Variants in COA1 observed in about 807,000 individuals in gnomAD.
The protein encoded by COA1 is cytochrome c oxidase assembly factor 1, also known as cytochrome c oxidase assembly factor 1 homolog.
Under a neutral mutation model 16.0 loss-of-function variants are expected in COA1, and 13 were observed. That is an observed-to-expected ratio of 0.81 (90% CI 0.53 to 1.29). COA1 has a LOEUF of 1.29. Among genes scored for constraint, COA1 ranks in the 50% most tolerant of loss-of-function variants. The pLI is 0.00. For synonymous variants in COA1, 65 were observed against 65.7 expected, an observed-to-expected ratio of 0.99 and a Z score of 0.05; for missense variants, 179 against 177.0, an observed-to-expected ratio of 1.01 and a Z score of -0.06.
intron 1 of COA1, chr7:43,711,489 C>T (rs956141076): frequency 3.9e-5 from 6 of 152,148 alleles, no homozygotes; most frequent in African/African-American, 7.2e-5. Flanking sequence ...GAAAGAGAAT[C>T]TCTGATCCAT....
At chr7:43,701,383 G>A (rs2094731880) in intron 1 of COA1, among the ~76,000 whole-genome samples, 1 of 152,086 alleles carries the variant, frequency 6.6e-6, no homozygotes, top group Non-Finnish European at 1.5e-5. Flanking sequence ...TTCTATTCCT[G>A]TGTTAATTTG....
chr7:43,720,377 C>A (rs28676899), intron 1 of COA1, among the ~76,000 whole-genome samples: 1 of 151,878 alleles, frequency 6.6e-6, no homozygotes, highest in Non-Finnish European at 1.5e-5. Flanking sequence ...CTTTATTAAG[C>A]GTTTTATCTA....
chr7:43,670,288 A>G (rs2153195186), intron 1 of COA1, among the ~76,000 whole-genome samples: 1 of 152,102 alleles, frequency 6.6e-6, no homozygotes, highest in South Asian at 2.1e-4. Flanking sequence ...ATCTCTACTA[A>G]AAATACAGAA....
intron 1 of COA1, among the ~76,000 whole-genome samples, chr7:43,727,430 G>A (rs976016964): frequency 1.3e-5 from 2 of 152,156 alleles, no homozygotes; most frequent in African/African-American, 4.8e-5. Flanking sequence ...AATGTTCACA[G>A]CAGCATTACA....
At chr7:43,702,310 A>C (rs1318700952) in intron 1 of COA1, among the ~76,000 whole-genome samples, 1 of 152,128 alleles carries the variant, frequency 6.6e-6, no homozygotes, top group Non-Finnish European at 1.5e-5. Flanking sequence ...TGCTCTGTAT[A>C]TGGCGAGCCA....
rs1006307815 is a variant in COA1 at position 43,647,541 on chromosome 7, T to A, written c.109A>T (p.Ile37Phe). Reference sequence around the variant, plus strand: ...CGGCTAGCAGGATACTTACTTTGAATGAGGTAATACACAATGGCAAAGCCC... The same window carrying A: ...CGGCTAGCAGGATACTTACTTTGAAAGAGGTAATACACAATGGCAAAGCCC... The part of the protein sequence containing the change: ...AGGFAIVYYL[I>F]QKFHSRALYY... Residue 37 changes from isoleucine to phenylalanine, a missense_variant, in exon 3 of 6, where the codon ATT becomes TTT. Ile to Phe is a conservative substitution (Grantham distance 21). Coordinates refer to ENST00000223336, the MANE Select transcript of COA1 (RefSeq NM_018224.4). 47 of 1,611,372 alleles carry A rather than the reference T, an allele frequency of 2.9e-5. No individual in the cohort carries two copies. Among genetic ancestry groups the A allele is most frequent in the Non-Finnish European group, 3.8e-5 (45 of 1,177,546 alleles).
At position 43,664,069 on chromosome 7, in the gene COA1, T is replaced by A. The variant is rs185549591; in HGVS notation, c.-38-15417A>T. The stretch of plus-strand genomic sequence containing the variant: ...CCTGTCTCAAAAAATAAATTTTTTT[T>A]AAAAAATGGAATCATTTAGTATTTG... On this transcript the variant is annotated intron_variant, in intron 1 of 5. Transcript: ENST00000223336. 3.9e-3 allele frequency among the ~76,000 whole-genome samples: 589 copies of A among 149,176 alleles called. 5 individuals are homozygous for A. The highest frequency in any genetic ancestry group is 0.012 in the African/African-American group (489 of 39,966).
At chr7:43,699,568 A>G (rs915903753) in intron 1 of COA1, among the ~76,000 whole-genome samples, 2 of 152,200 alleles carry the variant, frequency 1.3e-5, no homozygotes, top group African/African-American at 2.4e-5. Context: ...ACAGACAGCA[A>G]AACTGTCACG....
Position 43,651,770 on chromosome 7 carries a change from G to A in COA1, c.-38-3118C>T, listed in dbSNP as rs149527481. On this transcript the variant is annotated intron_variant, in intron 1 of 5. Transcript: ENST00000223336. ...CCCACCTTTCAGGAGGCCAAGACAG[G>A]AAGATCACTTAAGCCCAGGAGTTCA... Among the ~76,000 whole-genome samples the A allele has an allele frequency of 3.7e-3, 561 of 151,756 alleles. 1 individual carries two copies. The highest frequency in any genetic ancestry group is 6.8e-3 in the Non-Finnish European group (462 of 67,984).
At chr7:43,717,911 T>G (rs116449892) in intron 1 of COA1, among the ~76,000 whole-genome samples, 4,852 of 152,262 alleles carry the variant, frequency 0.032, 212 homozygotes, top group African/African-American at 0.11. Context: ...ATTCTCTCTT[T>G]GCCTGCTGCC....
intron 1 of COA1, among the ~76,000 whole-genome samples, chr7:43,667,951 G>A (rs1171910669): frequency 6.6e-6 from 1 of 152,146 alleles, no homozygotes; most frequent in Non-Finnish European, 1.5e-5. Context: ...TCCAGAATTT[G>A]GAAACTATCT....
intron 6 of COA1, among the ~76,000 whole-genome samples, chr7:43,615,909 T>C (rs963512158): frequency 1.3e-5 from 2 of 152,188 alleles, no homozygotes; most frequent in East Asian, 1.9e-4. Context: ...AGGCCTTCTC[T>C]GACTCCCCTA....
At chr7:43,727,934 T>A (rs553392775) in intron 1 of COA1, among the ~76,000 whole-genome samples, 1 of 152,300 alleles carries the variant, frequency 6.6e-6, no homozygotes, top group South Asian at 2.1e-4. Context: ...GTTGTACAAC[T>A]TTGTGAATGT....
chr7:43,637,752 G>A (rs2086145602), downstream of COA1, among the ~76,000 whole-genome samples: 1 of 152,164 alleles, frequency 6.6e-6, no homozygotes, highest in South Asian at 2.1e-4. Flanking sequence ...AGAAATCAAG[G>A]AGCACTTCAC....
chr7:43,697,451 T>G (rs1037235955), intron 1 of COA1, among the ~76,000 whole-genome samples: 7 of 151,998 alleles, frequency 4.6e-5, no homozygotes, highest in Admixed American at 4.6e-4. Flanking sequence ...GTGTCACCAT[T>G]CCCAGCTAAT....
chr7:43,691,373 G>GAGGA (rs1371296476), intron 1 of COA1, among the ~76,000 whole-genome samples: 1 of 18,632 alleles, frequency 5.4e-5, no homozygotes, highest in Non-Finnish European at 1.1e-4. Flanking sequence ...GGGAGGGAGG[G>GAGGA]AGGGAGGAAG....
At chr7:43,627,314 ATCTC>A (rs1231860234) in intron 6 of COA1, among the ~76,000 whole-genome samples, 2 of 152,192 alleles carry the variant, frequency 1.3e-5, no homozygotes, top group African/African-American at 2.4e-5. Flanking sequence ...TCATTGTTGA[ATCTC>A]TTAAATTTTT....
chr7:43,644,759 T>TAGATAGATAGGCAGGC (rs1232562622), intron 4 of COA1, among the ~76,000 whole-genome samples: 3 of 114,616 alleles, frequency 2.6e-5, no homozygotes, highest in East Asian at 2.3e-4. Flanking sequence ...GATAGATAGA[T>TAGATAGATAGGCAGGC]AGGCAGGCAG....
At chr7:43,661,097 T>C (rs1487683890) in intron 1 of COA1, among the ~76,000 whole-genome samples, 2 of 152,234 alleles carry the variant, frequency 1.3e-5, no homozygotes, top group East Asian at 3.8e-4. Context: ...GAAGAGGTCC[T>C]TGGCTTACCA....
Sources: allele counts gnomAD v4.1 joint callset (sites outside exome capture counted in the v4.1 genomes callset), GRCh38; gene constraint gnomAD v4.1.1; transcripts MANE v1.5; gene names NCBI Gene and HGNC (gene_info 2026-07-23, HGNC 2026-07-21).